Variants in FHIT observed in about 807,000 individuals in gnomAD.
FHIT encodes the protein fragile histidine triad diadenosine triphosphatase.
Under a neutral mutation model 17.9 loss-of-function variants are expected in FHIT, and 19 were observed. That is an observed-to-expected ratio of 1.06 (90% CI 0.74 to 1.56). The LOEUF is 1.56. Among genes scored for constraint, FHIT ranks in the 40% most tolerant of loss-of-function variants. FHIT has a pLI of 0.00. For missense variants in FHIT, 248 were observed against 189.2 expected (o/e 1.31, Z -1.82); for synonymous variants, 81 against 69.7 (o/e 1.16, Z -0.81).
chr3:60,148,399 AGT>A (rs1415675271), intron 5 of FHIT, among the ~76,000 whole-genome samples: 1 of 152,202 alleles, frequency 6.6e-6, no homozygotes, highest in African/African-American at 2.4e-5. Context: ...GTGAAATGTA[AGT>A]GTGGGTACAG....
chr3:60,669,414 CAT>C (rs1302534147), intron 4 of FHIT, among the ~76,000 whole-genome samples: 2 of 152,184 alleles, frequency 1.3e-5, no homozygotes, highest in Non-Finnish European at 2.9e-5. Context: ...CAGATGGGAA[CAT>C]GTGATAATGC....
intron 5 of FHIT, among the ~76,000 whole-genome samples, chr3:60,454,829 G>T (rs1652770900): frequency 6.6e-6 from 1 of 152,034 alleles, no homozygotes; most frequent in African/African-American, 2.4e-5. Flanking sequence ...CTTCCCAGGA[G>T]ACACTACTTA....
rs149064399 is a variant in FHIT, at chr3:60,040,122, G to A, written c.104-25970C>T. ...TGTCAAAAAATTGATGTCACCTAAT[G>A]AATAATTTCCTTCTTTCTTTTTATT... On this transcript the variant is annotated intron_variant, in intron 5 of 9. Coordinates refer to ENST00000492590, the MANE Select transcript of FHIT (RefSeq NM_002012.4). Among the ~76,000 whole-genome samples, 348 of 151,476 alleles carry A rather than the reference G, an allele frequency of 2.3e-3. 2 individuals are homozygous for A. Among genetic ancestry groups the A allele is most frequent in the African/African-American group, 7.8e-3 (324 of 41,380 alleles).
intron 4 of FHIT, among the ~76,000 whole-genome samples, chr3:60,796,582 T>G (rs890451204): frequency 5.3e-5 from 8 of 151,856 alleles, no homozygotes; most frequent in Admixed American, 6.6e-5. Flanking sequence ...AAGAGGGTTG[T>G]TGTTTGTTTG....
chr3:60,329,582 G>T (rs1709864398), intron 5 of FHIT, among the ~76,000 whole-genome samples: 1 of 152,204 alleles, frequency 6.6e-6, no homozygotes, highest in Non-Finnish European at 1.5e-5. Flanking sequence ...ATGGGAAATG[G>T]GTTAAGATTT....
chr3:60,860,294 A>G (rs929036336), intron 3 of FHIT, among the ~76,000 whole-genome samples: 99 of 147,686 alleles, frequency 6.7e-4, no homozygotes, highest in African/African-American at 2.4e-3. Flanking sequence ...TGTATACATG[A>G]GATACATCAT....
intron 5 of FHIT, among the ~76,000 whole-genome samples, chr3:60,047,004 T>C (rs1559580332): frequency 6.6e-6 from 1 of 152,244 alleles, no homozygotes; most frequent in Non-Finnish European, 1.5e-5. Flanking sequence ...TGCCCACTTT[T>C]ATCTGCTAGA....
intron 7 of FHIT, among the ~76,000 whole-genome samples, chr3:60,006,777 T>C (rs940178110): frequency 3.3e-5 from 5 of 152,162 alleles, no homozygotes; most frequent in Admixed American, 3.3e-4. Context: ...GTATGTTAAC[T>C]ACTAGACTTA....
chr3:60,528,843 G>A (rs768838491), intron 5 of FHIT, among the ~76,000 whole-genome samples: 13 of 152,068 alleles, frequency 8.5e-5, no homozygotes, highest in East Asian at 1.9e-4. Flanking sequence ...TCCCCACAAT[G>A]CACAAATTAA....
intron 5 of FHIT, among the ~76,000 whole-genome samples, chr3:60,484,259 C>G (rs1481326870): frequency 1.3e-5 from 2 of 152,132 alleles, no homozygotes; most frequent in African/African-American, 4.8e-5. Flanking sequence ...AAGTAATTTA[C>G]AGATTCAATG....
At chr3:60,714,240 A>G (rs1211015847) in intron 4 of FHIT, among the ~76,000 whole-genome samples, 1 of 152,200 alleles carries the variant, frequency 6.6e-6, no homozygotes, top group Non-Finnish European at 1.5e-5. Flanking sequence ...ACAACCCTTC[A>G]TGCTAAAAAC....
intron 3 of FHIT, among the ~76,000 whole-genome samples, chr3:61,016,313 A>G (rs2032104065): frequency 6.6e-6 from 1 of 152,202 alleles, no homozygotes; most frequent in Non-Finnish European, 1.5e-5. Context: ...AAAAGTAATG[A>G]AGAGTTTATC....
At chr3:59,864,381 A>C (rs904620564) in intron 8 of FHIT, among the ~76,000 whole-genome samples, 2 of 152,146 alleles carry the variant, frequency 1.3e-5, no homozygotes, top group African/African-American at 4.8e-5. Context: ...GCCACCATGT[A>C]AGAAGTGCCT....
chr3:61,063,617 C>G (rs770771751), intron 2 of FHIT, among the ~76,000 whole-genome samples: 9 of 152,070 alleles, frequency 5.9e-5, no homozygotes, highest in Non-Finnish European at 1.3e-4. Flanking sequence ...GGATCTAGAC[C>G]AAGGTTCACA....
At chr3:60,293,170 T>G (rs1576432759) in intron 5 of FHIT, among the ~76,000 whole-genome samples, 1 of 152,136 alleles carries the variant, frequency 6.6e-6, no homozygotes, top group East Asian at 1.9e-4. Flanking sequence ...TTCCCAAGAT[T>G]ACATTTCTAT....
chr3:60,443,984 A>C (rs1218465558), intron 5 of FHIT, among the ~76,000 whole-genome samples: 1 of 152,184 alleles, frequency 6.6e-6, no homozygotes. Context: ...ATGAACTCAA[A>C]CAAATTTACA....
chr3:59,909,328 G>A (rs1383617868), intron 8 of FHIT, among the ~76,000 whole-genome samples: 5 of 151,170 alleles, frequency 3.3e-5, no homozygotes, highest in Admixed American at 6.6e-5. Flanking sequence ...CACTGCGCCC[G>A]GCCCTACTTT....
At chr3:59,889,684 T>A (rs558566721) in intron 8 of FHIT, among the ~76,000 whole-genome samples, 1 of 152,352 alleles carries the variant, frequency 6.6e-6, no homozygotes, top group South Asian at 2.1e-4. Flanking sequence ...ACATAATTGC[T>A]AATAAATGGT....
At chr3:60,492,807 G>C (rs566918523) in intron 5 of FHIT, among the ~76,000 whole-genome samples, 13 of 152,182 alleles carry the variant, frequency 8.5e-5, no homozygotes, top group South Asian at 2.1e-4. Flanking sequence ...AGCCTTATAG[G>C]ACATTACAGG....
Sources: gnomAD v4.1 joint callset for allele counts (sites outside exome capture counted in the v4.1 genomes callset) on GRCh38, gnomAD v4.1.1 for gene constraint, MANE v1.5 for transcripts, NCBI Gene and HGNC (gene_info 2026-07-23, HGNC 2026-07-21) for gene names.